The following PTPN20 variants were observed in gnomAD, a reference collection of about 807,000 sequenced individuals.
The protein encoded by PTPN20 is tyrosine-protein phosphatase non-receptor type 20.
A neutral mutation model predicts 35.0 loss-of-function variants in PTPN20; 9 were observed. The ratio of observed to expected loss-of-function variants is 0.26; its 90% CI spans 0.15 to 0.45. The LOEUF (loss-of-function observed/expected upper bound fraction) is 0.45, where lower values mean the gene tolerates loss of function less well. PTPN20 is among the 20% of genes least tolerant of loss of function. PTPN20 has a pLI of 1.00. For synonymous variants in PTPN20, 32 were observed against 100.2 expected (o/e 0.32, Z 4.06); for missense variants, 111 against 312.5 (o/e 0.36, Z 4.86).
Position 47,000,615 on chromosome 10 carries a change from A to G in PTPN20, c.1198-61A>G, listed in dbSNP as rs918545296. ...CTGAAAATTACAAATGTGTTTTCTG[A>G]AAGTGGATTCTGTTATTCAATTACT... On this transcript the variant is annotated intron_variant, in intron 10 of 10. Transcript: ENST00000374339. 6.3e-6 allele frequency: 10 copies of G among 1,593,754 alleles called. No individual in the cohort carries two copies. The African/African-American group carries it at 1.3e-4, about 21-fold the overall frequency.
Position 46,989,407 on chromosome 10 carries a change from CAT to C in PTPN20, c.1134+1855_1134+1856del, listed in dbSNP as rs1486804839. Among the ~76,000 whole-genome samples the C allele has an allele frequency of 4.0e-5, 3 of 74,512 alleles. 1 individual carries two copies. The highest frequency in any genetic ancestry group is 7.4e-5 in the Non-Finnish European group (3 of 40,496). The allele number at this position is 74,512 out of a possible 152,430, so 48.9% of individuals were successfully genotyped here. On this transcript the variant is annotated intron_variant, in intron 9 of 10. Coordinates refer to ENST00000374339, the MANE Select transcript of PTPN20 (RefSeq NM_001042357.5). Reference sequence around the variant, plus strand: ...CTTCTTCCACATCTATTAAGATTCTCATATGGTTTTTGTCATTCATTCTGTTG... The same window carrying C: ...CTTCTTCCACATCTATTAAGATTCTCATGGTTTTTGTCATTCATTCTGTTG...
chr10:46,925,057 A>G (rs2036716968), intron 1 of PTPN20, among the ~76,000 whole-genome samples: 1 of 150,826 alleles, frequency 6.6e-6, no homozygotes, highest in South Asian at 2.1e-4. Context: ...CATATTTGTG[A>G]CATACTCGGT....
rs2046514447 is a variant in PTPN20, at chr10:46,951,140, C to T, written c.340+4465C>T. ...GCAATACCAGATTCCTTTCCAAAAG[C>T]TTAGCCACCATGCCCGGCTAATTTT... On this transcript the variant is annotated intron_variant, in intron 5 of 10. Transcript: ENST00000374339. 2.6e-5 allele frequency among the ~76,000 whole-genome samples: 4 copies of T among 151,994 alleles called. No individual in the cohort carries two copies. The South Asian group carries it at 8.3e-4, about 32-fold the overall frequency.
chr10:46,912,501 GTT>G (rs1354732038), intron 1 of PTPN20, among the ~76,000 whole-genome samples: 2 of 129,338 alleles, frequency 1.5e-5, no homozygotes, highest in Non-Finnish European at 3.1e-5. Flanking sequence ...AAGACATCTA[GTT>G]TAATAGTGTA....
intron 2 of PTPN20, among the ~76,000 whole-genome samples, chr10:46,940,096 A>G (rs1207086924): frequency 5.3e-5 from 8 of 151,428 alleles, no homozygotes; most frequent in Non-Finnish European, 1.0e-4. Context: ...GAATAATCAT[A>G]TAAGAAACCC....
intron 9 of PTPN20, among the ~76,000 whole-genome samples, chr10:46,997,202 C>T (rs2059268195): frequency 6.6e-6 from 1 of 152,028 alleles, no homozygotes; most frequent in African/African-American, 2.4e-5. Flanking sequence ...GTTAAATTTA[C>T]CCTATTCATT....
intron 1 of PTPN20, among the ~76,000 whole-genome samples, chr10:46,930,168 G>A (rs2039074956): frequency 7.1e-6 from 1 of 141,412 alleles, no homozygotes; most frequent in Non-Finnish European, 1.5e-5. Flanking sequence ...CTGACTATTG[G>A]TATGGTTTGA....
At chr10:46,923,818 A>G in intron 1 of PTPN20, among the ~76,000 whole-genome samples, 4 of 151,488 alleles carry the variant, frequency 2.6e-5, no homozygotes, top group Non-Finnish European at 2.9e-5. Context: ...GTTTCTATAC[A>G]TGAACATGAA....
chr10:46,970,743 G>A (rs1169892391), intron 7 of PTPN20, among the ~76,000 whole-genome samples: 2 of 113,986 alleles, frequency 1.8e-5, no homozygotes, highest in Non-Finnish European at 3.4e-5. Flanking sequence ...GCAACCTAGG[G>A]GAAGCAATGA....
chr10:46,994,492 C>T (rs1041571313), intron 9 of PTPN20, among the ~76,000 whole-genome samples: 39 of 151,672 alleles, frequency 2.6e-4, no homozygotes, highest in Non-Finnish European at 4.6e-4. Context: ...CCATCACGCC[C>T]GGCTAATTTT....
intron 5 of PTPN20, among the ~76,000 whole-genome samples, chr10:46,947,138 A>G (rs1404464510): frequency 1.4e-5 from 2 of 145,302 alleles, no homozygotes; most frequent in East Asian, 2.0e-4. Flanking sequence ...CTTTTTGTGT[A>G]TACGTATTTA....
chr10:46,972,198 C>T (rs1256848627), intron 7 of PTPN20, among the ~76,000 whole-genome samples: 1 of 143,378 alleles, frequency 7.0e-6, no homozygotes, highest in African/African-American at 2.5e-5. Context: ...ATTTATCTCA[C>T]AAAAACTTAT....
At chr10:46,919,111 T>C (rs2034169256) in intron 1 of PTPN20, among the ~76,000 whole-genome samples, 1 of 150,480 alleles carries the variant, frequency 6.6e-6, no homozygotes, top group Admixed American at 6.6e-5. Flanking sequence ...TTCTACCTTC[T>C]TTTGATTAGT....
chr10:46,996,281 A>G (rs2059095054), intron 9 of PTPN20, among the ~76,000 whole-genome samples: 1 of 152,122 alleles, frequency 6.6e-6, no homozygotes, highest in Non-Finnish European at 1.5e-5. Context: ...TCTTCATTTC[A>G]TTGCAGTCAC....
intron 4 of PTPN20, among the ~76,000 whole-genome samples, chr10:46,945,570 G>A (rs1245922888): frequency 6.6e-6 from 1 of 152,210 alleles, no homozygotes; most frequent in Non-Finnish European, 1.5e-5. Flanking sequence ...CTGATAAGGG[G>A]CCTTGATTTA....
intron 7 of PTPN20, among the ~76,000 whole-genome samples, chr10:46,982,789 T>C (rs1352188467): frequency 1.3e-5 from 2 of 152,068 alleles, no homozygotes; most frequent in African/African-American, 4.8e-5. Flanking sequence ...TTATTATTAT[T>C]ATATGACATA....
At chr10:46,919,261 C>G (rs1468785790) in intron 1 of PTPN20, among the ~76,000 whole-genome samples, 1 of 152,178 alleles carries the variant, frequency 6.6e-6, no homozygotes, top group Non-Finnish European at 1.5e-5. Flanking sequence ...ATTTGGATGG[C>G]CAGACCATTT....
At chr10:46,976,816 A>T (rs1589764306) in intron 7 of PTPN20, among the ~76,000 whole-genome samples, 1 of 116,214 alleles carries the variant, frequency 8.6e-6, no homozygotes, top group Non-Finnish European at 1.8e-5. Context: ...TACTTCTTTT[A>T]CCTCTGTAGT....
At chr10:46,911,662 T>G (rs1156780477) in intron 1 of PTPN20, 161 bp downstream of exon 1, 1 of 117,030 alleles carries the variant, frequency 8.5e-6, no homozygotes, top group African/African-American at 5.3e-5. Flanking sequence ...CGGGTGGGCC[T>G]GAGCTGTGAA....
Sources: gnomAD v4.1 joint callset for allele counts (sites outside exome capture counted in the v4.1 genomes callset) on GRCh38, gnomAD v4.1.1 for gene constraint, MANE v1.5 for transcripts, NCBI Gene and HGNC (gene_info 2026-07-23, HGNC 2026-07-21) for gene names.